GYPE: variants seen among roughly 807,000 people sequenced by gnomAD.
GYPE encodes the protein glycophorin-E.
In GYPE, 8 loss-of-function variants were observed where a neutral mutation model predicts 11.6. That is an observed-to-expected ratio of 0.69 (90% CI 0.41 to 1.25). GYPE has a LOEUF of 1.25. GYPE is among the 50% of genes most tolerant of loss of function. The pLI is 0.01. For missense variants in GYPE, 90 were observed against 92.8 expected (o/e 0.97, Z 0.12); for synonymous variants, 28 against 29.6 (o/e 0.94, Z 0.18).
intron 1 of GYPE, among the ~76,000 whole-genome samples, chr4:143,890,988 G>A (rs1475202426): frequency 6.6e-6 from 1 of 152,066 alleles, no homozygotes; most frequent in Admixed American, 6.5e-5. Flanking sequence ...GGCAGCTTCA[G>A]AAAGCTCCAC....
chr4:143,899,230 A>C (rs1744773934), intron 1 of GYPE, among the ~76,000 whole-genome samples: 1 of 150,272 alleles, frequency 6.7e-6, no homozygotes, highest in Non-Finnish European at 1.5e-5. Flanking sequence ...AACGGAGCCA[A>C]TCCTGGAACA....
chr4:143,881,001 A>T (rs1744002372), intron 1 of GYPE, among the ~76,000 whole-genome samples: 1 of 152,194 alleles, frequency 6.6e-6, no homozygotes, highest in Admixed American at 6.5e-5. Context: ...CATAATAATT[A>T]TATAGAACAA....
At position 143,871,907 on chromosome 4, in the gene GYPE, T is replaced by C. The variant is rs1250783666; in HGVS notation, c.*355A>G. On this transcript the variant is annotated 3_prime_UTR_variant, in exon 4 of 4. Transcript: ENST00000358615. ...ACCTCAGAGTATTCAAAGTATCAAA[T>C]GGAATGTGACTGAAGAGTTATCTTG... 6.6e-6 allele frequency: 1 copy of C among 152,072 alleles called. No individual in the cohort carries two copies. Among genetic ancestry groups the C allele is most frequent in the Non-Finnish European group, 1.5e-5 (1 of 68,012 alleles). The allele number at this position is 152,072 out of a possible 1,614,324, so 9.4% of individuals were successfully genotyped here. A position where few individuals can be genotyped will look rare whatever the true frequency, so the allele number is the denominator to read the frequency against.
chr4:143,875,627 C>A, intron 3 of GYPE: 1 of 1,481,016 alleles, frequency 6.8e-7, no homozygotes, highest in Non-Finnish European at 9.2e-7. Flanking sequence ...CAATTGGAGG[C>A]TTCTAAAGGG....
At chr4:143,891,687 C>G (rs1015217138) in intron 1 of GYPE, among the ~76,000 whole-genome samples, 1 of 152,042 alleles carries the variant, frequency 6.6e-6, no homozygotes, top group Non-Finnish European at 1.5e-5. Context: ...GTAAGGTATA[C>G]AAAACTAGGG....
rs371031515 is a variant in GYPE, at chr4:143,893,876, A to C, written c.37+11595T>G. On this transcript the variant is annotated intron_variant, in intron 1 of 3. Coordinates refer to ENST00000358615, the MANE Select transcript of GYPE (RefSeq NM_198682.3). The stretch of plus-strand genomic sequence containing the variant: ...TTGGCCTGCCTTGCTAGACTGGGGA[A>C]GTTCTCCTGGATAATATCCTGCAGA... 9.1e-4 allele frequency among the ~76,000 whole-genome samples: 138 copies of C among 152,256 alleles called. 2 individuals carry two copies. The East Asian group carries it at 0.025, about 28-fold the overall frequency.
chr4:143,897,398 G>A (rs1744692959), intron 1 of GYPE, among the ~76,000 whole-genome samples: 1 of 152,006 alleles, frequency 6.6e-6, no homozygotes, highest in South Asian at 2.1e-4. Flanking sequence ...GAATCCAGCA[G>A]TTCAAGACTG....
intron 1 of GYPE, among the ~76,000 whole-genome samples, chr4:143,895,364 A>C: frequency 6.6e-6 from 1 of 152,166 alleles, no homozygotes; most frequent in Admixed American, 6.5e-5. Context: ...CAACAATAAC[A>C]GACAAACAGA....
At chr4:143,875,490 T>C (rs1199781760) in intron 3 of GYPE, 15 of 1,550,990 alleles carry the variant, frequency 9.7e-6, no homozygotes, top group South Asian at 7.1e-5. Flanking sequence ...TCAGGCAGCA[T>C]GCAGGCCACA....
chr4:143,879,547 C>G lies in GYPE; in HGVS notation c.136+864G>C, dbSNP rs188983055. 2.0e-4 allele frequency among the ~76,000 whole-genome samples: 31 copies of G among 152,116 alleles called. No homozygotes were observed. The East Asian group carries it at 5.4e-3, about 27-fold the overall frequency. ...TTGAGAACTGTCATGAGTTACAGCTCGTGTAAACAGAGTTCAATCACAACA... is the reference window on the plus strand; with the variant it reads ...TTGAGAACTGTCATGAGTTACAGCTGGTGTAAACAGAGTTCAATCACAACA... On this transcript the variant is annotated intron_variant, in intron 2 of 3. Transcript: ENST00000358615.
chr4:143,890,105 A>G (rs1361218196), intron 1 of GYPE, among the ~76,000 whole-genome samples: 3 of 152,218 alleles, frequency 2.0e-5, no homozygotes, highest in Non-Finnish European at 4.4e-5. Context: ...GAAGAGATAT[A>G]AAGATGATAA....
intron 1 of GYPE, among the ~76,000 whole-genome samples, chr4:143,896,889 C>T (rs1402221265): frequency 1.3e-5 from 2 of 151,880 alleles, no homozygotes; most frequent in African/African-American, 4.8e-5. Flanking sequence ...TCATCATTCT[C>T]AGCAAACTAT....
At chr4:143,897,701 GA>G in intron 1 of GYPE, among the ~76,000 whole-genome samples, 1 of 152,226 alleles carries the variant, frequency 6.6e-6, no homozygotes, top group Non-Finnish European at 1.5e-5. Flanking sequence ...AATAGCATAT[GA>G]AATACCTGAA....
intron 1 of GYPE, among the ~76,000 whole-genome samples, chr4:143,897,409 A>G (rs1373492504): frequency 1.3e-5 from 2 of 152,036 alleles, no homozygotes; most frequent in African/African-American, 2.4e-5. Flanking sequence ...TTCAAGACTG[A>G]AGTAAGTTAT....
At chr4:143,898,280 G>A (rs1187347220) in intron 1 of GYPE, among the ~76,000 whole-genome samples, 1 of 152,208 alleles carries the variant, frequency 6.6e-6, no homozygotes, top group Non-Finnish European at 1.5e-5. Flanking sequence ...GGGAGGCTGA[G>A]GCAGGAGAAT....
intron 1 of GYPE, among the ~76,000 whole-genome samples, chr4:143,895,643 T>C (rs1235427728): frequency 7.0e-6 from 1 of 142,020 alleles, no homozygotes; most frequent in African/African-American, 2.6e-5. Flanking sequence ...CTTCACAGAA[T>C]TTGAAAAAAC....
chr4:143,889,523 A>G (rs1054154), intron 1 of GYPE, among the ~76,000 whole-genome samples: 172 of 150,674 alleles, frequency 1.1e-3, no homozygotes, highest in East Asian at 3.9e-3. Context: ...CTCTTTTTAA[A>G]CTTTAAAAAA....
chr4:143,901,073 T>G (rs1263864483), intron 1 of GYPE, among the ~76,000 whole-genome samples: 1 of 152,196 alleles, frequency 6.6e-6, no homozygotes, highest in Non-Finnish European at 1.5e-5. Context: ...TGTTGGTTTT[T>G]ATTATTCAGA....
intron 1 of GYPE, among the ~76,000 whole-genome samples, chr4:143,883,915 A>C (rs537822222): frequency 1.4e-4 from 21 of 152,140 alleles, no homozygotes; most frequent in Non-Finnish European, 2.9e-4. Flanking sequence ...AAATATACAT[A>C]TTCCTCCAAG....
Sources: allele counts gnomAD v4.1 joint callset (sites outside exome capture counted in the v4.1 genomes callset), GRCh38; gene constraint gnomAD v4.1.1; transcripts MANE v1.5; gene names NCBI Gene and HGNC (gene_info 2026-07-23, HGNC 2026-07-21).